The following TMEM144 variants were observed in gnomAD, a reference collection of about 807,000 sequenced individuals.
TMEM144 encodes the protein transmembrane protein 144.
In TMEM144, 39 loss-of-function variants were observed where a neutral mutation model predicts 43.6. That is an observed-to-expected ratio of 0.90 (90% CI 0.69 to 1.17). The LOEUF is 1.17. TMEM144 is among the 50% of genes most tolerant of loss of function. The pLI is 0.00. For missense variants in TMEM144, 417 were observed against 411.9 expected, an observed-to-expected ratio of 1.01 and a Z score of -0.11; for synonymous variants, 154 against 133.6, an observed-to-expected ratio of 1.15 and a Z score of -1.06.
intron 7 of TMEM144, chr4:158,233,385 A>G (rs1374074290): frequency 1.3e-5 from 2 of 153,138 alleles, no homozygotes. Context: ...AGGTAAGTGA[A>G]GTCCTATGAG....
intron 9 of TMEM144, 81 bp from the exon 10 acceptor site, chr4:158,240,218 C>G (rs1262609922): frequency 6.7e-7 from 1 of 1,494,948 alleles, no homozygotes; most frequent in Non-Finnish European, 9.1e-7. Flanking sequence ...AAGGTTAATT[C>G]TGGTGAGTTT....
intron 12 of TMEM144, among the ~76,000 whole-genome samples, chr4:158,249,718 A>ATTGTGATTG (rs1736085581): frequency 1.3e-5 from 2 of 152,222 alleles, no homozygotes; most frequent in Non-Finnish European, 2.9e-5. Context: ...AAGTAATTGC[A>ATTGTGATTG]TCAATTTCAA....
At chr4:158,220,067 T>A (rs1734436184) in intron 6 of TMEM144, among the ~76,000 whole-genome samples, 1 of 152,222 alleles carries the variant, frequency 6.6e-6, no homozygotes, top group African/African-American at 2.4e-5. Context: ...ATATTCCCTG[T>A]CAGTTCTTCA....
At chr4:158,233,723 T>C (rs928875248) in intron 7 of TMEM144, 1 of 152,262 alleles carries the variant, frequency 6.6e-6, no homozygotes, top group Non-Finnish European at 1.5e-5. Flanking sequence ...CTTGGCAGGG[T>C]GCTTATTTAC....
At chr4:158,227,741 C>T (rs1044551088) in intron 6 of TMEM144, among the ~76,000 whole-genome samples, 4 of 152,116 alleles carry the variant, frequency 2.6e-5, no homozygotes, top group Admixed American at 6.5e-5. Context: ...GGTGCCCTGG[C>T]TTTACAGGTT....
chr4:158,233,753 C>A (rs1056159199), intron 7 of TMEM144: 9 of 152,392 alleles, frequency 5.9e-5, no homozygotes, highest in African/African-American at 2.2e-4. Context: ...CAAAATTAAT[C>A]TTTTCTCCTT....
chr4:158,237,284 C>T (rs910913200), intron 8 of TMEM144: 2 of 400,120 alleles, frequency 5.0e-6, no homozygotes, highest in African/African-American at 4.1e-5. Context: ...ATTTTAATTT[C>T]TATAAATCAT....
intron 6 of TMEM144, among the ~76,000 whole-genome samples, chr4:158,224,304 T>C (rs1734644705): frequency 6.6e-6 from 1 of 152,240 alleles, no homozygotes; most frequent in Non-Finnish European, 1.5e-5. Context: ...AAATTCTGGA[T>C]ATTAAACCTT....
intron 12 of TMEM144, among the ~76,000 whole-genome samples, chr4:158,250,248 A>G (rs1212952557): frequency 6.7e-6 from 1 of 148,274 alleles, no homozygotes; most frequent in Non-Finnish European, 1.5e-5. Context: ...ATTAGTTAGC[A>G]TTAATCTTAC....
intron 6 of TMEM144, among the ~76,000 whole-genome samples, chr4:158,228,542 C>T (rs901593793): frequency 6.6e-6 from 1 of 152,164 alleles, no homozygotes; most frequent in Non-Finnish European, 1.5e-5. Flanking sequence ...TCAGCCACTG[C>T]GTCGATCCTC....
intron 6 of TMEM144, among the ~76,000 whole-genome samples, chr4:158,222,241 G>A (rs1390445258): frequency 6.6e-6 from 1 of 152,058 alleles, no homozygotes; most frequent in Non-Finnish European, 1.5e-5. Flanking sequence ...CCTACATCAG[G>A]GCATGTCATT....
intron 1 of TMEM144, chr4:158,211,071 T>G (rs1187561646): frequency 2.0e-5 from 3 of 152,330 alleles, no homozygotes; most frequent in South Asian, 2.1e-4. Flanking sequence ...CCACAAAAAT[T>G]TCATTATTTT....
intron 6 of TMEM144, among the ~76,000 whole-genome samples, chr4:158,226,769 C>T (rs1734791748): frequency 6.6e-6 from 1 of 152,066 alleles, no homozygotes; most frequent in Admixed American, 6.5e-5. Flanking sequence ...AATTCTTTGA[C>T]ATGCTTTAAC....
chr4:158,225,167 C>T (rs1734700057), intron 6 of TMEM144, among the ~76,000 whole-genome samples: 1 of 152,196 alleles, frequency 6.6e-6, no homozygotes, highest in Admixed American at 6.5e-5. Context: ...GCCATTGCTG[C>T]TAACGCCCTT....
intron 6 of TMEM144, among the ~76,000 whole-genome samples, chr4:158,230,696 C>A (rs1045194883): frequency 6.6e-6 from 1 of 151,388 alleles, no homozygotes; most frequent in Non-Finnish European, 1.5e-5. Flanking sequence ...ATATATTAGG[C>A]TTTATGCATT....
chr4:158,215,372 G>A (rs950840506), intron 4 of TMEM144, 59 bp downstream of exon 4: 49 of 1,571,718 alleles, frequency 3.1e-5, no homozygotes, highest in Middle Eastern at 1.7e-4. Context: ...AATAATTCTC[G>A]TTCACAATAG....
chr4:158,213,575 T>C (rs1485947685), intron 3 of TMEM144: 1 of 152,232 alleles, frequency 6.6e-6, no homozygotes, highest in Non-Finnish European at 1.5e-5. Context: ...TTTCAAGGAA[T>C]GCACATGTTA....
chr4:158,227,255 C>T (rs1172891139), intron 6 of TMEM144, among the ~76,000 whole-genome samples: 1 of 151,670 alleles, frequency 6.6e-6, no homozygotes, highest in African/African-American at 2.4e-5. Flanking sequence ...GATGAGGTTT[C>T]CTCTAAAAGT....
chr4:158,237,511 A>C lies in TMEM144; in HGVS notation c.564-14A>C. 1.3e-6 allele frequency: 2 copies of C among 1,585,056 alleles called. No individual in the cohort carries two copies. On this transcript the variant is annotated splice_polypyrimidine_tract_variant and intron_variant, in intron 8 of 12. Transcript: ENST00000296529. ...TTTGAGCCAAGATTAATAGTGATTT[A>C]TTTGTTTTGTAAGGGGCTGCAGTCT...
Sources: gnomAD v4.1 joint callset for allele counts (sites outside exome capture counted in the v4.1 genomes callset) on GRCh38, gnomAD v4.1.1 for gene constraint, MANE v1.5 for transcripts, NCBI Gene and HGNC (gene_info 2026-07-23, HGNC 2026-07-21) for gene names.